DMD: variants seen among roughly 807,000 people sequenced by gnomAD.
The protein encoded by DMD is dystrophin, also known as mutant dystrophin.
In DMD, 63 loss-of-function variants were observed where a neutral mutation model predicts 330.1. The observed-to-expected ratio is 0.19, with a 90% confidence interval of 0.16 to 0.24. DMD has a LOEUF of 0.24. Among genes scored for constraint, DMD ranks in the 10% least tolerant of loss-of-function variants. The probability of loss-of-function intolerance (pLI) is 1.00; values close to 1 mark genes in which losing one functional copy is unlikely to be tolerated. For synonymous variants in DMD, 1,223 were observed against 959.8 expected, an observed-to-expected ratio of 1.27 and a Z score of -5.07; for missense variants, 3,344 against 2,684.1, an observed-to-expected ratio of 1.25 and a Z score of -5.43.
intron 44 of DMD, among the ~76,000 whole-genome samples, chrX:32,058,725 G>A (rs1410246188): frequency 9.0e-6 from 1 of 111,040 alleles, no homozygotes; most frequent in African/African-American, 3.3e-5. Flanking sequence ...ACTACCATAA[G>A]ATCTAGCAAT....
chrX:32,747,914 T>C (rs1203140468), intron 7 of DMD, among the ~76,000 whole-genome samples: 1 of 112,176 alleles, frequency 8.9e-6, no homozygotes, highest in Non-Finnish European at 1.9e-5. Context: ...GCCTTCTATA[T>C]GTAGGCTTTG....
chrX:31,706,331 A>G (rs192070757), intron 52 of DMD, among the ~76,000 whole-genome samples: 150 of 110,740 alleles, frequency 1.4e-3, no homozygotes, highest in African/African-American at 4.6e-3. Flanking sequence ...AAAAAATGCT[A>G]AAAGTTAGAA....
chrX:31,935,706 G>A (rs1305942686), intron 45 of DMD, among the ~76,000 whole-genome samples: 3 of 110,915 alleles, frequency 2.7e-5, no homozygotes, highest in Non-Finnish European at 5.7e-5. Flanking sequence ...GAAAAACCTA[G>A]ACACATTGGC....
intron 48 of DMD, among the ~76,000 whole-genome samples, chrX:31,863,303 A>G (rs1359636635): frequency 1.8e-5 from 2 of 112,548 alleles, no homozygotes; most frequent in Admixed American, 9.3e-5. Context: ...AGATCACGCC[A>G]CTGCACTCCA....
chrX:32,747,617 A>G (rs1396221366), intron 7 of DMD, among the ~76,000 whole-genome samples: 1 of 111,207 alleles, frequency 9.0e-6, no homozygotes, highest in Non-Finnish European at 1.9e-5. Context: ...CGTCCCGAAT[A>G]GTTAGGACTA....
intron 20 of DMD, 105 bp downstream of exon 20, chrX:32,491,172 A>T: frequency 9.8e-7 from 1 of 1,020,569 alleles, no homozygotes; most frequent in Non-Finnish European, 1.4e-6. Flanking sequence ...CTAAATCCTT[A>T]GAAGGTGAAC....
chrX:32,090,736 C>T (rs2096468753), intron 44 of DMD, among the ~76,000 whole-genome samples: 1 of 110,724 alleles, frequency 9.0e-6, no homozygotes, highest in Non-Finnish European at 1.9e-5. Context: ...AAGAGTATTC[C>T]GGTTTGGATA....
At chrX:31,908,010 A>C (rs994782135) in intron 47 of DMD, among the ~76,000 whole-genome samples, 1 of 112,273 alleles carries the variant, frequency 8.9e-6, no homozygotes, top group Non-Finnish European at 1.9e-5. Context: ...CAAAACCACA[A>C]TGAGATACCA....
intron 53 of DMD, among the ~76,000 whole-genome samples, chrX:31,664,529 C>CTTTTTTTTTT (rs57706460): frequency 6.3e-5 from 4 of 63,786 alleles, no homozygotes; most frequent in Non-Finnish European, 8.3e-5. Flanking sequence ...AGTGTTCAAG[C>CTTTTTTTTTT]TTTTTTTTTT....
At position 32,274,849 on chromosome X, in the gene DMD, G is replaced by A. The variant is rs918471369; in HGVS notation, c.6290+12680C>T. Among the ~76,000 whole-genome samples the A allele has an allele frequency of 5.4e-5, 6 of 111,974 alleles. No homozygotes were observed. The East Asian group carries it at 1.1e-3, about 21-fold the overall frequency. On this transcript the variant is annotated intron_variant, in intron 43 of 78. Coordinates refer to ENST00000357033, the MANE Select transcript of DMD (RefSeq NM_004006.3). ...GATAATTGGTTTGTTGTAAGGAGACGCTTTGATAGTCCAATATACATTAAA... is the reference window on the plus strand; with the variant it reads ...GATAATTGGTTTGTTGTAAGGAGACACTTTGATAGTCCAATATACATTAAA...
chrX:32,389,534 C>T lies in DMD; in HGVS notation c.4485G>A (p.Gln1495=), dbSNP rs777387726. 1 of 1,211,361 alleles carries T rather than the reference C, an allele frequency of 8.3e-7. No homozygotes were observed. The highest frequency in any genetic ancestry group is 2.2e-5 in the Admixed American group (1 of 45,985). Residue 1495 remains glutamine (Q), a synonymous_variant, in exon 32 of 79, where the codon CAG becomes CAA. Transcript: ENST00000357033. ...LPALETKSVE[Q]EVVQSQLNHC... ...GATTTAGCTGTGACTGTACTACTTC[C>T]TGTTCCACACTCTTTGTTTCCAATG...
intron 1 of DMD, among the ~76,000 whole-genome samples, chrX:33,329,623 C>A (rs1487375629): frequency 1.8e-5 from 2 of 111,570 alleles, no homozygotes; most frequent in Non-Finnish European, 3.8e-5. Flanking sequence ...ATAGATCTCA[C>A]AAACAGAATG....
intron 1 of DMD, among the ~76,000 whole-genome samples, chrX:33,307,671 A>G (rs2053784591): frequency 8.9e-6 from 1 of 111,760 alleles, no homozygotes; most frequent in Non-Finnish European, 1.9e-5. Flanking sequence ...CCTGGGTGAC[A>G]GAGCGAGACT....
At chrX:33,042,337 T>TA (rs201546570) in intron 1 of DMD, among the ~76,000 whole-genome samples, 1,212 of 111,882 alleles carry the variant, frequency 0.011, 35 homozygotes, top group Admixed American at 0.07. Context: ...AACTTTCTAT[T>TA]AATATATCAT....
chrX:32,433,631 T>C (rs1250568076), intron 29 of DMD, among the ~76,000 whole-genome samples: 1 of 110,999 alleles, frequency 9.0e-6, no homozygotes, highest in East Asian at 2.8e-4. Context: ...TGAGCTGAGA[T>C]TGCACCCTTG....
At chrX:32,196,892 A>G (rs777171797) in intron 44 of DMD, among the ~76,000 whole-genome samples, 1 of 103,926 alleles carries the variant, frequency 9.6e-6, no homozygotes, top group African/African-American at 3.5e-5. Context: ...AGGCTGAGGC[A>G]GGAGAATGGC....
chrX:32,470,536 G>A (rs2040519407), intron 22 of DMD, among the ~76,000 whole-genome samples: 1 of 110,707 alleles, frequency 9.0e-6, no homozygotes. Flanking sequence ...AGTGGAAATA[G>A]TCTCTTCTGC....
In DMD at chrX:31,121,425, T is replaced by TG. The variant is rs2032496392; in HGVS notation, c.*493_*494insC. The TG allele has an allele frequency of 2.9e-5, 3 of 104,711 alleles. No individual in the cohort carries two copies. The highest frequency in any genetic ancestry group is 1.4e-4 in the African/African-American group (3 of 21,961). 8.6% of individuals were successfully genotyped at this position (104,711 alleles called of 1,213,427 possible). ...GCAAAACAATGCGCTGCCTCAAAGT[T>TG]TTGTGTGTGTGTGTGTATGTGTGTG... On this transcript the variant is annotated 3_prime_UTR_variant, in exon 79 of 79. Transcript: ENST00000357033.
chrX:33,017,766 T>C (rs1337423810), intron 2 of DMD, among the ~76,000 whole-genome samples: 2 of 111,411 alleles, frequency 1.8e-5, no homozygotes, highest in Non-Finnish European at 1.9e-5. Context: ...CCACCCACAC[T>C]GAGCCCACTC....
Sources: allele counts gnomAD v4.1 joint callset (sites outside exome capture counted in the v4.1 genomes callset), GRCh38; gene constraint gnomAD v4.1.1; transcripts MANE v1.5; gene names NCBI Gene and HGNC (gene_info 2026-07-23, HGNC 2026-07-21).